Variants in HOOK3 observed in about 807,000 individuals in gnomAD.
HOOK3 encodes protein Hook homolog 3.
Under a neutral mutation model 116.3 loss-of-function variants are expected in HOOK3, and 24 were observed. That is an observed-to-expected ratio of 0.21 (90% CI 0.15 to 0.29). The LOEUF is 0.29. Ranked by LOEUF, HOOK3 falls within the 10% of genes least tolerant of loss-of-function variation. HOOK3 has a pLI of 1.00. For synonymous variants in HOOK3, 275 were observed against 283.0 expected, an observed-to-expected ratio of 0.97 and a Z score of 0.28; for missense variants, 632 against 830.2, an observed-to-expected ratio of 0.76 and a Z score of 2.93.
intron 10 of HOOK3, among the ~76,000 whole-genome samples, chr8:42,967,396 C>T (rs143894930): frequency 7.2e-5 from 11 of 152,236 alleles, no homozygotes; most frequent in Middle Eastern, 3.4e-3. Context: ...TCCCTGGGTT[C>T]CCACCCACCC....
chr8:43,012,616 T>C (rs1809634262), intron 19 of HOOK3, among the ~76,000 whole-genome samples: 1 of 152,236 alleles, frequency 6.6e-6, no homozygotes, highest in Non-Finnish European at 1.5e-5. Context: ...TTTAATTTTT[T>C]TTAGACAGAT....
intron 15 of HOOK3, among the ~76,000 whole-genome samples, chr8:42,988,675 A>T (rs1173850886): frequency 5.9e-5 from 9 of 152,182 alleles, no homozygotes; most frequent in Admixed American, 5.9e-4. Context: ...TGTCTCAGGC[A>T]TTGTGCTGGG....
At chr8:42,920,428 A>T (rs1807634722) in intron 2 of HOOK3, among the ~76,000 whole-genome samples, 1 of 152,240 alleles carries the variant, frequency 6.6e-6, no homozygotes, top group Non-Finnish European at 1.5e-5. Flanking sequence ...TCTAAAGACT[A>T]CTATTCTTAG....
chr8:43,011,288 T>C (rs992034672), intron 19 of HOOK3, among the ~76,000 whole-genome samples: 12 of 152,122 alleles, frequency 7.9e-5, no homozygotes, highest in South Asian at 2.1e-4. Flanking sequence ...CCACCGTGCC[T>C]GGCCAAGGGG....
chr8:42,948,514 A>G (rs1808277866), intron 5 of HOOK3, among the ~76,000 whole-genome samples: 1 of 152,160 alleles, frequency 6.6e-6, no homozygotes, highest in South Asian at 2.1e-4. Flanking sequence ...TTCCCCTCTC[A>G]CACCTACTAA....
chr8:43,012,846 C>T (rs1485679457), intron 19 of HOOK3, among the ~76,000 whole-genome samples: 1 of 152,202 alleles, frequency 6.6e-6, no homozygotes, highest in Non-Finnish European at 1.5e-5. Flanking sequence ...AAGTGATCCA[C>T]CTGCCTCAGC....
intron 5 of HOOK3, among the ~76,000 whole-genome samples, chr8:42,945,639 C>G (rs909712714): frequency 3.3e-5 from 5 of 152,116 alleles, no homozygotes; most frequent in Admixed American, 6.6e-5. Flanking sequence ...CATTTTCATT[C>G]AGTTATTTTA....
intron 2 of HOOK3, among the ~76,000 whole-genome samples, chr8:42,907,967 T>G (rs1392175573): frequency 1.3e-5 from 2 of 151,544 alleles, no homozygotes; most frequent in Non-Finnish European, 2.9e-5. Flanking sequence ...ATGAATACAG[T>G]AAAGTTGCAG....
At chr8:42,963,567 A>G (rs1437594978) in intron 8 of HOOK3, among the ~76,000 whole-genome samples, 1 of 152,258 alleles carries the variant, frequency 6.6e-6, no homozygotes, top group Non-Finnish European at 1.5e-5. Flanking sequence ...TGGTAGTTGC[A>G]TGTTTAATTC....
In HOOK3 at chr8:42,984,754, A is replaced by T. The variant is rs1809018488; in HGVS notation, c.1392-1901A>T. The stretch of plus-strand genomic sequence containing the variant: ...CTGTCACTGCTAAAAATACAAAAAA[A>T]TTAGCTGGGTGTGCTAGCACACGCC... On this transcript the variant is annotated intron_variant, in intron 14 of 21. Transcript: ENST00000307602. Among the ~76,000 whole-genome samples the T allele has an allele frequency of 2.0e-5, 3 of 152,142 alleles. No individual in the cohort carries two copies. The South Asian group carries it at 6.2e-4, about 31-fold the overall frequency.
At position 43,023,555 on chromosome 8, in the gene HOOK3, C is replaced by A; in HGVS notation, c.*5057C>A. The A allele has an allele frequency of 5.8e-6, 1 of 172,662 alleles. No homozygotes were observed. The highest frequency in any genetic ancestry group is 1.3e-5 in the Non-Finnish European group (1 of 79,896). The allele number at this position is 172,662 out of a possible 1,614,324, so 10.7% of individuals were successfully genotyped here. On this transcript the variant is annotated 3_prime_UTR_variant, in exon 22 of 22. Transcript: ENST00000307602. ...GCAAACTCTGCCTACCAGGTTCAAG[C>A]GATTCTCCTGCCTCATCCTCCCTAG...
chr8:42,917,888 TATC>T (rs1300695765), intron 2 of HOOK3, among the ~76,000 whole-genome samples: 1 of 152,218 alleles, frequency 6.6e-6, no homozygotes, highest in Non-Finnish European at 1.5e-5. Flanking sequence ...TGTGAAATTT[TATC>T]ATAGTCAACT....
Position 43,008,663 on chromosome 8 carries a change from A to AT in HOOK3, c.1738+748dup, listed in dbSNP as rs546007965. On this transcript the variant is annotated intron_variant, in intron 18 of 21. Coordinates refer to ENST00000307602, the MANE Select transcript of HOOK3 (RefSeq NM_032410.4). ...TATTTTTATTTTTATTTTTATTTTT[A>AT]TTTTTTTTTTTTTTGAGACGGAGTC... Among the ~76,000 whole-genome samples the AT allele has an allele frequency of 4.8e-3, 629 of 131,440 alleles. 18 individuals carry two copies. In the East Asian group the frequency reaches 0.05, roughly 10 times the overall value. 86.2% of individuals were successfully genotyped at this position (131,440 alleles called of 152,430 possible).
At chr8:42,906,400 G>A in intron 2 of HOOK3, 142 bp downstream of exon 2, 1 of 627,756 alleles carries the variant, frequency 1.6e-6, no homozygotes, top group Non-Finnish European at 2.9e-6. Flanking sequence ...TTAATGGAAT[G>A]TACTTATTAG....
chr8:43,010,122 TC>T (rs929997893), intron 18 of HOOK3, among the ~76,000 whole-genome samples, 182 bp from the exon 19 acceptor site: 2 of 150,612 alleles, frequency 1.3e-5, no homozygotes, highest in African/African-American at 4.8e-5. Context: ...AAAAAAAAAT[TC>T]TGAATTTTTT....
chr8:42,983,566 C>A (rs1345305231), intron 14 of HOOK3, among the ~76,000 whole-genome samples: 1 of 152,136 alleles, frequency 6.6e-6, no homozygotes, highest in African/African-American at 2.4e-5. Context: ...TCACTGCAGC[C>A]TTGACCTTCT....
At chr8:42,921,686 C>T (rs767943626) in intron 2 of HOOK3, among the ~76,000 whole-genome samples, 14 of 152,148 alleles carry the variant, frequency 9.2e-5, no homozygotes, top group Non-Finnish European at 1.8e-4. Flanking sequence ...CTCTTTGGAT[C>T]ATTGAGGTTT....
intron 2 of HOOK3, among the ~76,000 whole-genome samples, chr8:42,921,510 T>C (rs908993710): frequency 1.1e-4 from 16 of 152,214 alleles, no homozygotes; most frequent in African/African-American, 3.6e-4. Context: ...TTTTCTAAGT[T>C]TTAAGCAAAG....
chr8:42,958,619 T>A (rs921228489), intron 7 of HOOK3, among the ~76,000 whole-genome samples: 8 of 141,852 alleles, frequency 5.6e-5, no homozygotes, highest in Non-Finnish European at 7.6e-5. Context: ...TTTTTTTTTT[T>A]AAGTTCTGAG....
Sources: gnomAD v4.1 joint callset for allele counts (sites outside exome capture counted in the v4.1 genomes callset) on GRCh38, gnomAD v4.1.1 for gene constraint, MANE v1.5 for transcripts, NCBI Gene and HGNC (gene_info 2026-07-23, HGNC 2026-07-21) for gene names.